The following ABL1 variants were observed in gnomAD, a reference collection of about 807,000 sequenced individuals.
The protein encoded by ABL1 is tyrosine-protein kinase ABL1.
ABL1 carries 11 observed loss-of-function variants against 94.7 expected under a neutral mutation model. The observed-to-expected ratio is 0.12, with a 90% CI of 0.07 to 0.19. ABL1 has a LOEUF of 0.19. Among genes scored for constraint, ABL1 ranks in the 10% least tolerant of loss-of-function variants. ABL1 has a pLI of 1.00. For synonymous variants in ABL1, 656 were observed against 622.4 expected (o/e 1.05, Z -0.80); for missense variants, 1,082 against 1,489.4 (o/e 0.73, Z 4.50).
chr9:130,721,645 G>A (rs1349885759), intron 1 of ABL1, among the ~76,000 whole-genome samples: 1 of 152,130 alleles, frequency 6.6e-6, no homozygotes, highest in Non-Finnish European at 1.5e-5. Context: ...GGGAAGCCAA[G>A]GCTGCAGTGA....
chr9:130,851,772 T>A (rs898983096), intron 1 of ABL1, among the ~76,000 whole-genome samples: 1 of 149,282 alleles, frequency 6.7e-6, no homozygotes, highest in Non-Finnish European at 1.5e-5. Flanking sequence ...TTTTCTTTTT[T>A]TTTTTTTTTT....
Position 130,733,861 on chromosome 9 carries a change from G to A in ABL1, c.136+19406G>A, listed in dbSNP as rs34693091. On this transcript the variant is annotated intron_variant, in intron 1 of 10. Transcript: ENST00000372348. Reference sequence around the variant, plus strand: ...CGCCTCGGCCTCCCAAAGTGCTGGGGTTACAGGTGTGAGCCACTACGCCTG... The same window carrying A: ...CGCCTCGGCCTCCCAAAGTGCTGGGATTACAGGTGTGAGCCACTACGCCTG... Among the ~76,000 whole-genome samples, 305 of 151,690 alleles carry A rather than the reference G, an allele frequency of 2.0e-3. 3 individuals carry two copies. Among genetic ancestry groups the A allele is most frequent in the African/African-American group, 5.2e-3 (216 of 41,334 alleles).
At chr9:130,716,561 T>C (rs1831443861) in intron 1 of ABL1, among the ~76,000 whole-genome samples, 1 of 152,212 alleles carries the variant, frequency 6.6e-6, no homozygotes, top group Admixed American at 6.5e-5. Context: ...AAAAGCACTT[T>C]GGTGGTTGGG....
chr9:130,790,853 A>G (rs1313028313), intron 1 of ABL1, among the ~76,000 whole-genome samples: 1 of 152,146 alleles, frequency 6.6e-6, no homozygotes, highest in African/African-American at 2.4e-5. Flanking sequence ...TTAAGTAGGG[A>G]ATTCCAGGAT....
intron 1 of ABL1, among the ~76,000 whole-genome samples, chr9:130,754,279 C>A (rs971935857): frequency 2.0e-5 from 3 of 149,584 alleles, no homozygotes; most frequent in African/African-American, 7.4e-5. Context: ...GAGGCCGAGG[C>A]GGGTGGATTA....
rs36038391 is a variant in ABL1, at chr9:130,887,197, C to G, written c.*1514C>G. ...TCATACCGCCTCGTGCCAGCAGCCTCGCACAGGCCCTAGCTTTACGCTCAT... is the reference window on the plus strand; with the variant it reads ...TCATACCGCCTCGTGCCAGCAGCCTGGCACAGGCCCTAGCTTTACGCTCAT... On this transcript the variant is annotated 3_prime_UTR_variant, in exon 11 of 11. Coordinates refer to ENST00000318560, the MANE Select transcript of ABL1 (RefSeq NM_005157.6). The G allele has an allele frequency of 4.7e-5, 11 of 233,162 alleles. No homozygotes were observed. Among genetic ancestry groups the G allele is most frequent in the Non-Finnish European group, 7.6e-5 (9 of 118,034 alleles). The allele number at this position is 233,162 out of a possible 1,614,324, so 14.4% of individuals were successfully genotyped here.
chr9:130,783,747 C>T (rs1829787486), intron 1 of ABL1, among the ~76,000 whole-genome samples: 1 of 152,100 alleles, frequency 6.6e-6, no homozygotes, highest in African/African-American at 2.4e-5. Flanking sequence ...CCTCTGCCTC[C>T]TGGGTTCAAG....
At chr9:130,800,773 C>T (rs1057380556) in intron 1 of ABL1, among the ~76,000 whole-genome samples, 1 of 152,098 alleles carries the variant, frequency 6.6e-6, no homozygotes, top group Admixed American at 6.6e-5. Context: ...GAATATCTCA[C>T]AATTTATCCA....
chr9:130,773,075 C>G (rs1832271473), intron 1 of ABL1, among the ~76,000 whole-genome samples: 1 of 152,202 alleles, frequency 6.6e-6, no homozygotes. Flanking sequence ...AATCCCAGCA[C>G]TTTGGGAGGC....
At chr9:130,881,141 A>G (rs1466499276) in intron 10 of ABL1, among the ~76,000 whole-genome samples, 1 of 152,182 alleles carries the variant, frequency 6.6e-6, no homozygotes, top group Non-Finnish European at 1.5e-5. Context: ...TTCTGGTGCC[A>G]TTGCCTAGGC....
At position 130,880,743 on chromosome 9, in the gene ABL1, G is replaced by C; in HGVS notation, c.1678+79G>C. On this transcript the variant is annotated intron_variant, in intron 10 of 10. Coordinates refer to ENST00000318560, the MANE Select transcript of ABL1 (RefSeq NM_005157.6). The surrounding 1 kb of genome is among the most constrained non-coding windows in gnomAD (Gnocchi z 4.4). ...TACATTCAGGCCATCATAGGCCAACGGGAAGCTGTGAATGGAGCCCGCACA... is the reference window on the plus strand; with the variant it reads ...TACATTCAGGCCATCATAGGCCAACCGGAAGCTGTGAATGGAGCCCGCACA... 2 of 1,522,610 alleles carry C rather than the reference G, an allele frequency of 1.3e-6. No homozygotes were observed. The highest frequency in any genetic ancestry group is 1.8e-6 in the Non-Finnish European group (2 of 1,129,772). 94.3% of individuals were successfully genotyped at this position (1,522,610 alleles called of 1,614,324 possible).
upstream of ABL1, among the ~76,000 whole-genome samples, chr9:130,832,395 C>T (rs1407167588): frequency 1.3e-5 from 2 of 151,758 alleles, no homozygotes; most frequent in East Asian, 3.9e-4. Flanking sequence ...CATGTTTTCC[C>T]AACAGTTAAT....
intron 1 of ABL1, among the ~76,000 whole-genome samples, chr9:130,722,105 T>TGGACA (rs368080689): frequency 6.6e-6 from 1 of 151,508 alleles, no homozygotes; most frequent in Non-Finnish European, 1.5e-5. Context: ...AGAGGTTATT[T>TGGACA]GGACAGGCTG....
chr9:130,736,109 C>T lies in ABL1; in HGVS notation c.136+21654C>T, dbSNP rs1041223714. Among the ~76,000 whole-genome samples the T allele has an allele frequency of 6.8e-4, 103 of 151,716 alleles. 1 individual carries two copies. Among genetic ancestry groups the T allele is most frequent in the African/African-American group, 2.5e-3 (103 of 41,314 alleles). ...TAGCTGGAACTATAAATGTATACCA[C>T]TATGCCTGGCTGTTTTTTGTATTTT... On this transcript the variant is annotated intron_variant, in intron 1 of 10. Coordinates refer to the ABL1 transcript ENST00000372348.
At chr9:130,770,207 GATT>G (rs1202695880) in intron 1 of ABL1, among the ~76,000 whole-genome samples, 2 of 151,560 alleles carry the variant, frequency 1.3e-5, no homozygotes, top group Non-Finnish European at 2.9e-5. Flanking sequence ...AACCCTAGAA[GATT>G]ATTAAGATTT....
intron 1 of ABL1, among the ~76,000 whole-genome samples, chr9:130,845,889 C>T (rs911174240): frequency 6.6e-6 from 1 of 152,022 alleles, no homozygotes; most frequent in Non-Finnish European, 1.5e-5. Context: ...CACAGGACAG[C>T]GCTGGCCTTC....
rs1831566404 is a variant in ABL1, at chr9:130,885,633, A to G, written c.3343A>G (p.Ser1115Gly). Residue 1115 changes from serine to glycine, a missense_variant, in exon 11 of 11, where the codon AGC becomes GGC. By Grantham distance (56) the Ser-to-Gly change is moderately conservative. This residue lies in a region of ABL1 where 780 missense variants were observed against 835.8 expected (regional missense o/e 0.93). Coordinates refer to ENST00000318560, the MANE Select transcript of ABL1 (RefSeq NM_005157.6). ...TGGTCCAGCGGCCACTCAGGACTTCAGCAAGCTCCTCAGTTCGGTGAAGGA... is the reference window on the plus strand; with the variant it reads ...TGGTCCAGCGGCCACTCAGGACTTCGGCAAGCTCCTCAGTTCGGTGAAGGA... ...GSGPAATQDFSKLLSSVKEIS... is the reference protein window; with the variant it reads ...GSGPAATQDFGKLLSSVKEIS... 6.2e-7 allele frequency: 1 copy of G among 1,613,268 alleles called. No homozygotes were observed. The highest frequency in any genetic ancestry group is 8.5e-7 in the Non-Finnish European group (1 of 1,179,862).
intron 1 of ABL1, among the ~76,000 whole-genome samples, chr9:130,819,202 A>G (rs1830326627): frequency 6.6e-6 from 1 of 151,974 alleles, no homozygotes; most frequent in African/African-American, 2.4e-5. Flanking sequence ...AAATACAAAA[A>G]TTAGCTGAGC....
At chr9:130,859,244 A>C (rs1029570547) in intron 3 of ABL1, among the ~76,000 whole-genome samples, 1 of 152,166 alleles carries the variant, frequency 6.6e-6, no homozygotes, top group African/African-American at 2.4e-5. Context: ...TCCTTAATAG[A>C]GTCTTTCCTT....
Sources: allele counts gnomAD v4.1 joint callset (sites outside exome capture counted in the v4.1 genomes callset), GRCh38; gene constraint gnomAD v4.1.1; regional missense constraint gnomAD v4.1.1; non-coding constraint Gnocchi (gnomAD v3.1); transcripts MANE v1.5; gene names NCBI Gene and HGNC (gene_info 2026-07-23, HGNC 2026-07-21).